The following MARCHF6 variants were observed in gnomAD, a reference collection of about 807,000 sequenced individuals.
MARCHF6 encodes the protein membrane associated ring-CH-type finger 6.
Under a neutral mutation model 133.7 loss-of-function variants are expected in MARCHF6, and 31 were observed. The ratio of observed to expected loss-of-function variants is 0.23; its 90% CI spans 0.17 to 0.31. The LOEUF (loss-of-function observed/expected upper bound fraction) is 0.31, where lower values mean the gene tolerates loss of function less well. MARCHF6 is among the 10% of genes least tolerant of loss of function. The pLI, the probability that MARCHF6 is intolerant of heterozygous loss-of-function variation, is 1.00. For synonymous variants in MARCHF6, 395 were observed against 402.5 expected (o/e 0.98, Z 0.22); for missense variants, 723 against 1,121.6 (o/e 0.64, Z 5.08).
intron 1 of MARCHF6, among the ~76,000 whole-genome samples, chr5:10,356,299 C>T (rs1282815881): frequency 6.6e-6 from 1 of 151,162 alleles, no homozygotes; most frequent in African/African-American, 2.4e-5. Context: ...AAATCAGTAT[C>T]ACCTACTTTT....
rs764837322 is a variant in MARCHF6 at position 10,400,864 on chromosome 5, A to G, written c.972+22A>G. On this transcript the variant is annotated intron_variant, in intron 11 of 25. Coordinates refer to ENST00000274140, the MANE Select transcript of MARCHF6 (RefSeq NM_005885.4). ...ACACGTGAGTATAATACTTTTACAA[A>G]GTTACTTTCATTCATTACTCCCAAA... 4.5e-6 allele frequency: 7 copies of G among 1,556,124 alleles called. No individual in the cohort carries two copies. In the South Asian group the frequency reaches 6.7e-5, roughly 15 times the overall value.
At chr5:10,390,653 G>A (rs756424710) in intron 6 of MARCHF6, among the ~76,000 whole-genome samples, 153 bp downstream of exon 6, 2 of 152,188 alleles carry the variant, frequency 1.3e-5, no homozygotes, top group Non-Finnish European at 2.9e-5. Flanking sequence ...TGAAGATGAA[G>A]AGAGATGTGA....
At chr5:10,407,571 TATAAAGA>T (rs1220799641) in intron 17 of MARCHF6, among the ~76,000 whole-genome samples, 1 of 152,220 alleles carries the variant, frequency 6.6e-6, no homozygotes, top group Non-Finnish European at 1.5e-5. Flanking sequence ...AAAAGCACAT[TATAAAGA>T]ATAAAGCCAG....
rs1739464340 is a variant in MARCHF6, at chr5:10,415,723, T to C, written c.2148+54T>C. The C allele has an allele frequency of 3.4e-6, 5 of 1,456,110 alleles. No individual in the cohort carries two copies. The East Asian group carries it at 1.2e-4, about 34-fold the overall frequency. 90.2% of individuals were successfully genotyped at this position (1,456,110 alleles called of 1,614,324 possible). A position where few individuals can be genotyped will look rare whatever the true frequency, so the allele number is the denominator to read the frequency against. ...TGTATGTTAGGAATAGTGAATATTT[T>C]TCCAGTCATCTTAAATTTTTTTTTT... On this transcript the variant is annotated intron_variant, in intron 21 of 25. Transcript: ENST00000274140.
intron 1 of MARCHF6, among the ~76,000 whole-genome samples, chr5:10,357,435 C>T (rs1382982158): frequency 1.3e-5 from 2 of 150,412 alleles, no homozygotes; most frequent in African/African-American, 4.9e-5. Context: ...AATTTTATTA[C>T]AGAATACCAA....
chr5:10,415,504 G>T lies in MARCHF6; in HGVS notation c.1983G>T (p.Trp661Cys), dbSNP rs775676211. Residue 661 changes from tryptophan to cysteine, a missense_variant, in exon 21 of 26, where the codon TGG (tryptophan) becomes TGT (cysteine). Trp to Cys is a radical substitution (Grantham distance 215). Coordinates refer to ENST00000274140, the MANE Select transcript of MARCHF6 (RefSeq NM_005885.4). ...CLTLPVFAGR[W>C]LMSFWTGTAK... The stretch of plus-strand genomic sequence containing the variant: ...TATTTTCAGTATTTGCTGGCCGTTG[G>T]TTAATGTCGTTTTGGACGGGGACTG... 3 of 1,612,344 alleles carry T rather than the reference G, an allele frequency of 1.9e-6. No individual in the cohort carries two copies. The highest frequency in any genetic ancestry group is 2.7e-5 in the African/African-American group (2 of 74,886).
chr5:10,408,695 C>A (rs1013347109), intron 17 of MARCHF6, among the ~76,000 whole-genome samples: 1 of 152,128 alleles, frequency 6.6e-6, no homozygotes, highest in Non-Finnish European at 1.5e-5. Context: ...CAAGCCACCA[C>A]ACCTGCCTAA....
At chr5:10,366,473 G>A (rs1736144264) in intron 1 of MARCHF6, among the ~76,000 whole-genome samples, 1 of 152,156 alleles carries the variant, frequency 6.6e-6, no homozygotes. Flanking sequence ...GTTACATGTG[G>A]CATAGTGCCA....
rs1285126515 is a variant in MARCHF6 at position 10,391,658 on chromosome 5, G to A, written c.693G>A (p.Glu231=). 6.2e-7 allele frequency: 1 copy of A among 1,600,552 alleles called. No individual in the cohort carries two copies. Among genetic ancestry groups the A allele is most frequent in the Non-Finnish European group, 8.5e-7 (1 of 1,172,694 alleles). ...ATGCCCAGGATGACCAGGCAGAAGA[G>A]GAGGAGGAGGACAATGAGGAGGAAG... ...NPDAQDDQAE[E]EEEDNEEEDD... Residue 231 remains glutamate, a synonymous_variant, in exon 7 of 26, where the codon GAG becomes GAA. Transcript: ENST00000274140.
chr5:10,410,756 G>A (rs1429219599), intron 18 of MARCHF6, among the ~76,000 whole-genome samples: 2 of 152,052 alleles, frequency 1.3e-5, no homozygotes, highest in African/African-American at 4.8e-5. Context: ...CATCTTGTAG[G>A]TATCTTAAAG....
chr5:10,416,057 G>A (rs980505789), intron 21 of MARCHF6, among the ~76,000 whole-genome samples: 3 of 151,460 alleles, frequency 2.0e-5, no homozygotes, highest in Non-Finnish European at 4.4e-5. Flanking sequence ...TCATTTAGTA[G>A]CATGTTTTTC....
At chr5:10,354,210 G>T (rs1269808037) in intron 1 of MARCHF6, among the ~76,000 whole-genome samples, 1 of 152,126 alleles carries the variant, frequency 6.6e-6, no homozygotes, top group Non-Finnish European at 1.5e-5. Context: ...TGTCCCCGCC[G>T]TCGCGCGCTG....
chr5:10,439,724 A>G lies in MARCHF6; in HGVS notation c.*6040A>G, dbSNP rs752036087. On this transcript the variant is annotated 3_prime_UTR_variant, in exon 26 of 26. Coordinates refer to ENST00000274140, the MANE Select transcript of MARCHF6 (RefSeq NM_005885.4). ...TTGAGATCCAAGTCAGATCACACCA[A>G]CCCTCAGAACTCTCCAATAGACGAC... The G allele has an allele frequency of 2.0e-5, 3 of 152,208 alleles. No homozygotes were observed. Among genetic ancestry groups the G allele is most frequent in the Non-Finnish European group, 4.4e-5 (3 of 68,064 alleles). 9.4% of individuals were successfully genotyped at this position (152,208 alleles called of 1,614,324 possible).
chr5:10,378,937 A>T (rs1190700601), intron 3 of MARCHF6, 105 bp downstream of exon 3: 1 of 587,256 alleles, frequency 1.7e-6, no homozygotes, highest in Non-Finnish European at 3.0e-6. Context: ...AAAGTGCTTA[A>T]GCACTTTAAA....
At position 10,434,743 on chromosome 5, in the gene MARCHF6, G is replaced by C. The variant is rs1237299915; in HGVS notation, c.*1059G>C. 6.6e-6 allele frequency: 1 copy of C among 152,546 alleles called. No individual in the cohort carries two copies. The highest frequency in any genetic ancestry group is 6.5e-5 in the Admixed American group (1 of 15,270). The allele number at this position is 152,546 out of a possible 1,614,324, so 9.4% of individuals were successfully genotyped here. ...TTAGTGCCTCGTTGGCTGAGGACTA[G>C]GTGTGCATTTCTCCTAGCTTTTCAT... On this transcript the variant is annotated 3_prime_UTR_variant, in exon 26 of 26. Coordinates refer to ENST00000274140, the MANE Select transcript of MARCHF6 (RefSeq NM_005885.4).
chr5:10,405,699 T>A (rs1738842997), intron 16 of MARCHF6, 22 bp downstream of exon 16: 1 of 1,513,998 alleles, frequency 6.6e-7, no homozygotes, highest in South Asian at 1.3e-5. Flanking sequence ...TTTCCATTGT[T>A]TTTTTTTTTT....
At position 10,433,645 on chromosome 5, in the gene MARCHF6, A is replaced by G. The variant is rs973018412; in HGVS notation, c.2694A>G (p.Gln898=). The change falls in exon 26 of 26, where the codon CAA becomes CAG. Residue 898 remains glutamine, a synonymous_variant. Coordinates refer to ENST00000274140, the MANE Select transcript of MARCHF6 (RefSeq NM_005885.4). ...LVNYERKSGK[Q]GSSPPPPQSS... ...ACTACGAACGGAAATCTGGCAAACAAGGCTCATCTCCACCACCTCCACAGT... is the reference window on the plus strand; with the variant it reads ...ACTACGAACGGAAATCTGGCAAACAGGGCTCATCTCCACCACCTCCACAGT... The G allele has an allele frequency of 6.2e-7, 1 of 1,614,220 alleles. No homozygotes were observed. The highest frequency in any genetic ancestry group is 8.5e-7 in the Non-Finnish European group (1 of 1,180,034).
intron 17 of MARCHF6, among the ~76,000 whole-genome samples, chr5:10,407,924 C>G (rs1261511760): frequency 6.6e-6 from 1 of 151,268 alleles, no homozygotes; most frequent in Non-Finnish European, 1.5e-5. Flanking sequence ...CCATTGCACT[C>G]CCACTTGGGC....
At chr5:10,415,434 G>A in intron 20 of MARCHF6, 54 bp from the exon 21 acceptor site, 1 of 1,466,286 alleles carries the variant, frequency 6.8e-7, no homozygotes. Context: ...ACATGAAGAT[G>A]ACAATTCTCT....
Sources: allele counts gnomAD v4.1 joint callset (sites outside exome capture counted in the v4.1 genomes callset), GRCh38; gene constraint gnomAD v4.1.1; transcripts MANE v1.5; gene names NCBI Gene and HGNC (gene_info 2026-07-23, HGNC 2026-07-21).